The following SIK3 variants were observed in gnomAD, a reference collection of about 807,000 sequenced individuals.
SIK3 encodes SIK family kinase 3.
Under a neutral mutation model 144.2 loss-of-function variants are expected in SIK3, and 28 were observed. The observed-to-expected ratio is 0.19, with a 90% CI of 0.14 to 0.27. SIK3 has a LOEUF of 0.27. SIK3 is among the 10% of genes least tolerant of loss of function. SIK3 has a pLI of 1.00. For synonymous variants in SIK3, 686 were observed against 676.3 expected (o/e 1.01, Z -0.22); for missense variants, 1,319 against 1,776.0 (o/e 0.74, Z 4.62).
At chr11:117,050,553 G>A (rs1953191794) in intron 1 of SIK3, among the ~76,000 whole-genome samples, 1 of 151,146 alleles carries the variant, frequency 6.6e-6, no homozygotes, top group Non-Finnish European at 1.5e-5. Context: ...AGGCGTGGTG[G>A]CACACGCCTG....
At chr11:117,091,408 G>A (rs1273379921) in intron 1 of SIK3, among the ~76,000 whole-genome samples, 2 of 151,930 alleles carry the variant, frequency 1.3e-5, no homozygotes, top group Admixed American at 1.3e-4. Context: ...GTTTCGCCAT[G>A]TTAGCCAGGC....
At chr11:116,897,712 CTCT>C (rs1436168354) in intron 4 of SIK3, among the ~76,000 whole-genome samples, 2 of 152,216 alleles carry the variant, frequency 1.3e-5, no homozygotes, top group Admixed American at 1.3e-4. Context: ...TTGAAACCTC[CTCT>C]CCACCAACAT....
intron 1 of SIK3, among the ~76,000 whole-genome samples, chr11:117,057,357 G>T (rs1953582695): frequency 6.6e-6 from 1 of 152,196 alleles, no homozygotes; most frequent in Admixed American, 6.5e-5. Context: ...AGGTAGAGGG[G>T]TTAGATTTTG....
intron 1 of SIK3, among the ~76,000 whole-genome samples, chr11:117,086,591 T>C (rs1955018712): frequency 6.6e-6 from 1 of 151,686 alleles, no homozygotes; most frequent in Admixed American, 6.6e-5. Context: ...CCTGGGAGGC[T>C]GAGGCAGGAG....
chr11:116,901,702 A>C (rs964135932), intron 4 of SIK3, among the ~76,000 whole-genome samples: 3 of 152,090 alleles, frequency 2.0e-5, no homozygotes, highest in Admixed American at 6.6e-5. Flanking sequence ...CTCTCTCTCT[A>C]GTTCCTTACC....
intron 6 of SIK3, among the ~76,000 whole-genome samples, chr11:116,887,311 GTTAA>G (rs1281237419): frequency 1.3e-5 from 2 of 150,384 alleles, no homozygotes; most frequent in African/African-American, 4.9e-5. Flanking sequence ...TTTAGATCAT[GTTAA>G]TAATATAATA....
Position 117,020,683 on chromosome 11 carries a change from C to T in SIK3, c.274-63619G>A, listed in dbSNP as rs368140734. Among the ~76,000 whole-genome samples, 46 of 152,258 alleles carry T rather than the reference C, an allele frequency of 3.0e-4. 1 individual carries two copies. In the South Asian group the frequency reaches 9.1e-3, roughly 30 times the overall value. ...CCAGGAGAGTGAAGAGGAACACATC[C>T]ACTTGCTGGGAGGGTGAGGCACCCC... On this transcript the variant is annotated intron_variant, in intron 1 of 24. Transcript: ENST00000445177.
rs899097583 is a variant in SIK3 at position 116,844,016 on chromosome 11, T to C, written c.*1627A>G. On this transcript the variant is annotated 3_prime_UTR_variant, in exon 25 of 25. Coordinates refer to ENST00000445177, the MANE Select transcript of SIK3 (RefSeq NM_001366686.3). ...CGCTTTCCTCTGTGCAAATTCAGGATGAAAGACTAGGAGGGGACTCGGGAC... is the reference window on the plus strand; with the variant it reads ...CGCTTTCCTCTGTGCAAATTCAGGACGAAAGACTAGGAGGGGACTCGGGAC... The C allele has an allele frequency of 1.3e-5, 2 of 151,864 alleles. No individual in the cohort carries two copies. The highest frequency in any genetic ancestry group is 4.8e-5 in the African/African-American group (2 of 41,330). 9.4% of individuals were successfully genotyped at this position (151,864 alleles called of 1,614,324 possible). A position where few individuals can be genotyped will look rare whatever the true frequency, so the allele number is the denominator to read the frequency against.
intron 1 of SIK3, among the ~76,000 whole-genome samples, chr11:117,073,027 C>G (rs1954349088): frequency 6.6e-6 from 1 of 152,054 alleles, no homozygotes. Context: ...ATACTTGGAT[C>G]CTCCAGATAA....
chr11:117,081,485 G>T lies in SIK3; in HGVS notation c.273+16658C>A, dbSNP rs555446238. Among the ~76,000 whole-genome samples the T allele has an allele frequency of 4.6e-5, 7 of 152,288 alleles. No individual in the cohort carries two copies. In the East Asian group the frequency reaches 1.2e-3, roughly 25 times the overall value. The stretch of plus-strand genomic sequence containing the variant: ...AAAAATTACAAAAGATTAGCCGGGC[G>T]TGATGGCAGGTACCTGTAGTCCCAG... On this transcript the variant is annotated intron_variant, in intron 1 of 24. Coordinates refer to ENST00000445177, the MANE Select transcript of SIK3 (RefSeq NM_001366686.3).
chr11:117,028,039 G>C (rs192412679), intron 1 of SIK3, among the ~76,000 whole-genome samples: 326 of 152,202 alleles, frequency 2.1e-3, no homozygotes, highest in Non-Finnish European at 3.5e-3. Flanking sequence ...AAAATTTGCA[G>C]AATATTTATT....
chr11:117,093,856 T>G (rs976578055), intron 1 of SIK3, among the ~76,000 whole-genome samples: 4 of 151,966 alleles, frequency 2.6e-5, no homozygotes, highest in African/African-American at 9.7e-5. Context: ...TACACAAAAC[T>G]AATGGCATAT....
At chr11:116,895,856 G>C (rs1238920168) in intron 6 of SIK3, among the ~76,000 whole-genome samples, 2 of 152,192 alleles carry the variant, frequency 1.3e-5, no homozygotes, top group East Asian at 3.8e-4. Context: ...CCAATAAGTG[G>C]AAATATCCTG....
Position 117,081,390 on chromosome 11 carries a change from G to A in SIK3, c.273+16753C>T, listed in dbSNP as rs577818481. On this transcript the variant is annotated intron_variant, in intron 1 of 24. Transcript: ENST00000445177. ...TGTAATCACAGCACTTTGGAAGGCC[G>A]AGGCAGGCGGATCACAAGGTCAGGA... Among the ~76,000 whole-genome samples the A allele has an allele frequency of 1.2e-4, 19 of 152,234 alleles. No homozygotes were observed. The South Asian group carries it at 1.7e-3, about 13-fold the overall frequency.
chr11:117,052,574 G>A (rs577060002), intron 1 of SIK3, among the ~76,000 whole-genome samples: 3 of 152,190 alleles, frequency 2.0e-5, no homozygotes, highest in African/African-American at 7.2e-5. Context: ...AGGTTTATAA[G>A]AAGAAAGTGG....
At chr11:116,878,285 A>G (rs1486230966) in intron 6 of SIK3, among the ~76,000 whole-genome samples, 1 of 152,166 alleles carries the variant, frequency 6.6e-6, no homozygotes, top group Admixed American at 6.5e-5. Flanking sequence ...ATTTGGGCAT[A>G]TCACCACTTT....
rs114944090 is a variant in SIK3 at position 117,051,637 on chromosome 11, T to C, written c.273+46506A>G. On this transcript the variant is annotated intron_variant, in intron 1 of 24. Coordinates refer to ENST00000445177, the MANE Select transcript of SIK3 (RefSeq NM_001366686.3). ...TCCACCTCCTGGGTTCAAGTGATTGTCTGCCTCAGCCTTCCAAATAGCTGG... is the reference window on the plus strand; with the variant it reads ...TCCACCTCCTGGGTTCAAGTGATTGCCTGCCTCAGCCTTCCAAATAGCTGG... Among the ~76,000 whole-genome samples, 203 of 152,078 alleles carry C rather than the reference T, an allele frequency of 1.3e-3. 2 individuals are homozygous for C. Among genetic ancestry groups the C allele is most frequent in the African/African-American group, 4.7e-3 (196 of 41,510 alleles).
At chr11:116,857,286 T>A (rs553933208) in intron 21 of SIK3, 1 of 159,216 alleles carries the variant, frequency 6.3e-6, no homozygotes, top group Non-Finnish European at 1.4e-5. Flanking sequence ...CAAACACATA[T>A]ATACATGTTT....
intron 1 of SIK3, among the ~76,000 whole-genome samples, chr11:117,005,470 T>G (rs1029808160): frequency 5.3e-5 from 8 of 150,362 alleles, no homozygotes; most frequent in Admixed American, 4.7e-4. Flanking sequence ...AGCCAGAACC[T>G]AAACGTTTCT....
Sources: gnomAD v4.1 joint callset for allele counts (sites outside exome capture counted in the v4.1 genomes callset) on GRCh38, gnomAD v4.1.1 for gene constraint, MANE v1.5 for transcripts, NCBI Gene and HGNC (gene_info 2026-07-23, HGNC 2026-07-21) for gene names.